IRAG1: variants seen among roughly 807,000 people sequenced by gnomAD.
IRAG1 encodes IP3R-associated cGMP kinase substrate.
IRAG1 carries 62 observed loss-of-function variants against 106.2 expected under a neutral mutation model. The ratio of observed to expected loss-of-function variants is 0.58; its 90% CI spans 0.48 to 0.72. The LOEUF is 0.72. Ranked by LOEUF, IRAG1 falls within the 30% of genes least tolerant of loss-of-function variation. The pLI, the probability that IRAG1 is intolerant of heterozygous loss-of-function variation, is 0.00. For synonymous variants in IRAG1, 462 were observed against 443.9 expected, an observed-to-expected ratio of 1.04 and a Z score of -0.51; for missense variants, 1,064 against 1,140.7, an observed-to-expected ratio of 0.93 and a Z score of 0.97.
intron 15 of IRAG1, among the ~76,000 whole-genome samples, chr11:10,597,270 CTTCT>C (rs1462400734): frequency 5.3e-5 from 8 of 152,052 alleles, no homozygotes; most frequent in African/African-American, 1.9e-4. Context: ...CTATTTTATT[CTTCT>C]TTGATAACTG....
chr11:10,633,365 G>T (rs556444428), intron 3 of IRAG1, among the ~76,000 whole-genome samples: 2 of 152,124 alleles, frequency 1.3e-5, no homozygotes, highest in Non-Finnish European at 2.9e-5. Flanking sequence ...ATGAGCCACT[G>T]CGCCCGGCCG....
At position 10,678,299 on chromosome 11, in the gene IRAG1, G is replaced by A. The variant is rs558923639; in HGVS notation, c.67+15237C>T. 4.6e-5 allele frequency among the ~76,000 whole-genome samples: 7 copies of A among 152,240 alleles called. No individual in the cohort carries two copies. The South Asian group carries it at 6.2e-4, about 14-fold the overall frequency. On this transcript the variant is annotated intron_variant, in intron 1 of 20. Coordinates refer to ENST00000423302, the MANE Select transcript of IRAG1 (RefSeq NM_130385.4). ...GCTGGGTCTATTTAACTGCTTTCAC[G>A]CTGAGAGAGCCCAAGGTTCTTAGAA...
rs1171692372 is a variant in IRAG1, at chr11:10,659,715, T to C, written c.68-7533A>G. Among the ~76,000 whole-genome samples, 1 of 152,154 alleles carries C rather than the reference T, an allele frequency of 6.6e-6. No individual in the cohort carries two copies. The highest frequency in any genetic ancestry group is 1.5e-5 in the Non-Finnish European group (1 of 68,020). Reference sequence around the variant, plus strand: ...TTGTTCACTTCAGGAATTCTTTTTTTAAAAATAGGTCCACTTGAAAAAATT... The same window carrying C: ...TTGTTCACTTCAGGAATTCTTTTTTCAAAAATAGGTCCACTTGAAAAAATT... On this transcript the variant is annotated intron_variant, in intron 1 of 20. Coordinates refer to ENST00000423302, the MANE Select transcript of IRAG1 (RefSeq NM_130385.4). This position sits in a 1 kb window ranked among gnomAD's most constrained non-coding sequence, Gnocchi z 4.1.
chr11:10,625,939 C>T, intron 9 of IRAG1, 27 bp downstream of exon 9: 2 of 1,451,636 alleles, frequency 1.4e-6, no homozygotes, highest in Non-Finnish European at 1.8e-6. Flanking sequence ...AGTACACACT[C>T]TGCCCAACTG....
Position 10,647,675 on chromosome 11 carries a change from A to C in IRAG1, c.225+4350T>G, listed in dbSNP as rs1858075474. On this transcript the variant is annotated intron_variant, in intron 2 of 20. Transcript: ENST00000423302. This position sits in a 1 kb window ranked among gnomAD's most constrained non-coding sequence, Gnocchi z 4.3. ...TACAAGGCACTTCAGAGGATGCTGC[A>C]CTGTCTGGGTGAGTCAGCTTCCTAC... is the stretch of plus-strand genomic sequence containing the variant. Among the ~76,000 whole-genome samples, 1 of 152,128 alleles carries C rather than the reference A, an allele frequency of 6.6e-6. No homozygotes were observed. Among genetic ancestry groups the C allele is most frequent in the Non-Finnish European group, 1.5e-5 (1 of 68,028 alleles).
At position 10,657,987 on chromosome 11, in the gene IRAG1, G is replaced by C. The variant is rs1247549457; in HGVS notation, c.68-5805C>G. Among the ~76,000 whole-genome samples the C allele has an allele frequency of 3.3e-5, 5 of 152,210 alleles. No individual in the cohort carries two copies. Among genetic ancestry groups the C allele is most frequent in the Admixed American group, 2.0e-4 (3 of 15,284 alleles). ...CAGCTTTCTGACTTTTCATTTTGAC[G>C]GTTTTGCTCATAGTAAAGGGTAAGC... On this transcript the variant is annotated intron_variant, in intron 1 of 20. Coordinates refer to ENST00000423302, the MANE Select transcript of IRAG1 (RefSeq NM_130385.4). This position sits in a 1 kb window ranked among gnomAD's most constrained non-coding sequence, Gnocchi z 4.1.
At chr11:10,676,890 G>A (rs16908157) in intron 1 of IRAG1, among the ~76,000 whole-genome samples, 59,882 of 152,090 alleles carry the variant, frequency 0.39, 12,065 homozygotes, top group African/African-American at 0.45. Context: ...GCTCTGGGGC[G>A]AGCGGTGTTC....
chr11:10,686,735 C>T (rs958582384), intron 1 of IRAG1, among the ~76,000 whole-genome samples: 5 of 152,166 alleles, frequency 3.3e-5, no homozygotes, highest in Non-Finnish European at 5.9e-5. Context: ...TTTGGTTTGA[C>T]TCTCATTCTT....
At chr11:10,610,074 C>T (rs758098940) in intron 10 of IRAG1, among the ~76,000 whole-genome samples, 1 of 152,174 alleles carries the variant, frequency 6.6e-6, no homozygotes, top group Non-Finnish European at 1.5e-5. Context: ...CTCAAGATTA[C>T]AGAACTAGCA....
intron 18 of IRAG1, among the ~76,000 whole-genome samples, chr11:10,588,716 T>C (rs1312831968): frequency 6.6e-6 from 1 of 152,064 alleles, no homozygotes; most frequent in Non-Finnish European, 1.5e-5. Flanking sequence ...TACACCAAAA[T>C]CAGGTTAGGT....
At chr11:10,594,312 C>A in intron 15 of IRAG1, 117 bp from the exon 16 acceptor site, 1 of 949,882 alleles carries the variant, frequency 1.1e-6, no homozygotes, top group Non-Finnish European at 1.6e-6. Context: ...AGGGATAGCC[C>A]AAGGGTCTGG....
At chr11:10,645,210 C>A (rs1439909323) in intron 2 of IRAG1, among the ~76,000 whole-genome samples, 1 of 152,104 alleles carries the variant, frequency 6.6e-6, no homozygotes, top group Admixed American at 6.5e-5. Flanking sequence ...GAGTGCCTAC[C>A]ATGTGTATGT....
Position 10,652,061 on chromosome 11 carries a change from G to C in IRAG1, c.189C>G (p.Pro63=). 1 of 1,593,382 alleles carries C rather than the reference G, an allele frequency of 6.3e-7. No individual in the cohort carries two copies. The highest frequency in any genetic ancestry group is 8.5e-7 in the Non-Finnish European group (1 of 1,170,866). ...MPHIPEDEEP[P]GEPQAAQSPA... Reference sequence around the variant, plus strand: ...GGCTCTGGGCTGCCTGTGGCTCTCCGGGGGGCTCCTCGTCCTCGGGAATGT... The same window carrying C: ...GGCTCTGGGCTGCCTGTGGCTCTCCCGGGGGCTCCTCGTCCTCGGGAATGT... Residue 63 remains proline (P), a synonymous_variant, in exon 2 of 21, where the codon CCC becomes CCG. Coordinates refer to ENST00000423302, the MANE Select transcript of IRAG1 (RefSeq NM_130385.4).
At chr11:10,584,662 C>T (rs184005332) in intron 18 of IRAG1, among the ~76,000 whole-genome samples, 34 of 147,668 alleles carry the variant, frequency 2.3e-4, no homozygotes, top group African/African-American at 7.2e-4. Flanking sequence ...GTTAAGCATG[C>T]GTGAAGGAGG....
chr11:10,610,213 G>A (rs1448652748), intron 10 of IRAG1, among the ~76,000 whole-genome samples: 1 of 152,216 alleles, frequency 6.6e-6, no homozygotes, highest in African/African-American at 2.4e-5. Flanking sequence ...AAAAAAACCT[G>A]CTCCTTGGCA....
intron 2 of IRAG1, among the ~76,000 whole-genome samples, chr11:10,640,473 C>G (rs970744125): frequency 6.6e-6 from 1 of 152,248 alleles, no homozygotes; most frequent in African/African-American, 2.4e-5. Context: ...CATCAGCTGA[C>G]AGAATCGTTG....
chr11:10,629,746 T>C (rs1049391202), intron 4 of IRAG1, 35 bp from the exon 5 acceptor site: 126 of 1,599,638 alleles, frequency 7.9e-5, no homozygotes, highest in Non-Finnish European at 9.9e-5. Context: ...TGAGAGCCAC[T>C]GCATCCGTGG....
Position 10,581,860 on chromosome 11 carries a change from G to C in IRAG1, c.2360+7C>G, listed in dbSNP as rs774762924. 6 of 1,613,452 alleles carry C rather than the reference G, an allele frequency of 3.7e-6. No individual in the cohort carries two copies. The East Asian group carries it at 8.9e-5, about 24-fold the overall frequency. ...GGTGCCCTTGGGGTGGCTGAGGTCT[G>C]ACTCACCCCTTGCTGTAGGCTTCTT... On this transcript the variant is annotated splice_region_variant and intron_variant, in intron 19 of 20. Coordinates refer to ENST00000423302, the MANE Select transcript of IRAG1 (RefSeq NM_130385.4).
chr11:10,592,026 T>G, intron 17 of IRAG1, among the ~76,000 whole-genome samples: 1 of 152,110 alleles, frequency 6.6e-6, no homozygotes, highest in East Asian at 1.9e-4. Flanking sequence ...GAGACATAGC[T>G]CCAGGTACAA....
Sources: allele counts gnomAD v4.1 joint callset (sites outside exome capture counted in the v4.1 genomes callset), GRCh38; gene constraint gnomAD v4.1.1; non-coding constraint Gnocchi (gnomAD v3.1); transcripts MANE v1.5; gene names NCBI Gene and HGNC (gene_info 2026-07-23, HGNC 2026-07-21).